The following APBB3 variants were observed in gnomAD, a reference collection of about 807,000 sequenced individuals.
APBB3 encodes the protein amyloid beta precursor protein binding family B member 3.
A neutral mutation model predicts 61.5 loss-of-function variants in APBB3; 50 were observed. The observed-to-expected ratio is 0.81, with a 90% CI of 0.65 to 1.03. The LOEUF is 1.03. Among genes scored for constraint, APBB3 ranks in the 50% least tolerant of loss-of-function variants. APBB3 has a pLI of 0.00. For missense variants in APBB3, 550 were observed against 637.4 expected (o/e 0.86, Z 1.48); for synonymous variants, 235 against 233.0 (o/e 1.01, Z -0.08).
intron 7 of APBB3, 54 bp downstream of exon 7, chr5:140,561,790 G>A: frequency 6.2e-7 from 1 of 1,614,066 alleles, no homozygotes; most frequent in Non-Finnish European, 8.5e-7. Flanking sequence ...GGATATAGCA[G>A]GGATGGAGTA....
rs372190183 is a variant in APBB3 at position 140,560,619 on chromosome 5, A to G, written c.1032+20T>C. ...CCTGCTCACCCCTCCAAAGCCCCCA[A>G]CTTCACCCTCTTCTGGTACCTGAAT... On this transcript the variant is annotated intron_variant, in intron 11 of 12. Transcript: ENST00000357560. The surrounding 1 kb of genome is among the most constrained non-coding windows in gnomAD (Gnocchi z 5.1). 20 of 1,613,136 alleles carry G rather than the reference A, an allele frequency of 1.2e-5. No homozygotes were observed. The highest frequency in any genetic ancestry group is 1.1e-4 in the South Asian group (10 of 91,048).
chr5:140,562,277 G>A (rs375776763), intron 5 of APBB3, 50 bp from the exon 6 acceptor site: 1 of 1,611,722 alleles, frequency 6.2e-7, no homozygotes, highest in Non-Finnish European at 8.5e-7. Flanking sequence ...TCATTGCCAT[G>A]AGAAATAGGA....
rs772877296 is a variant in APBB3, at chr5:140,562,243, G to A, written c.499-16C>T. The A allele has an allele frequency of 1.2e-6, 2 of 1,614,020 alleles. No homozygotes were observed. The highest frequency in any genetic ancestry group is 2.2e-5 in the South Asian group (2 of 91,076). On this transcript the variant is annotated splice_polypyrimidine_tract_variant and intron_variant, in intron 5 of 12. Transcript: ENST00000357560. ...TGTTCTGGCCCTGCCAAGGACAGAG[G>A]TCAGCCCAGAGCTCAGATAAAGGTC... is the stretch of plus-strand genomic sequence containing the variant.
In APBB3 at chr5:140,558,656, G is replaced by A. The variant is rs764090820; in HGVS notation, c.1390C>T (p.Pro464Ser). Reference sequence around the variant, plus strand: ...AAAGAGAAGACACCCCGCTTTCGAGGGGTTGCCCCTGCACCGCCAACCCCT... The same window carrying A: ...AAAGAGAAGACACCCCGCTTTCGAGAGGTTGCCCCTGCACCGCCAACCCCT... ...KGGVGGAGAT[P>S]RKRGVFSFLD... The change falls in exon 13 of 13, where the codon CCT becomes TCT. Residue 464 changes from proline (P) to serine (S), a missense_variant. Pro to Ser is a moderately conservative substitution (Grantham distance 74). Around this residue, in one of 3 missense-constraint regions of APBB3, gnomAD observed 138 missense variants for 132.6 expected, o/e 1.04. Transcript: ENST00000357560. The A allele has an allele frequency of 3.1e-6, 5 of 1,614,106 alleles. No homozygotes were observed. In the East Asian group the frequency reaches 6.7e-5, roughly 22 times the overall value.
rs1434733891 is a variant in APBB3 at position 140,561,246 on chromosome 5, C to T, written c.832+119G>A. ...CTCCTCCAACTAGTGGCTTGGGATC[C>T]CTGAGACCAGACATCTCAGAAATTT... On this transcript the variant is annotated intron_variant, in intron 9 of 12. Transcript: ENST00000357560. 11 of 1,462,832 alleles carry T rather than the reference C, an allele frequency of 7.5e-6. No individual in the cohort carries two copies. The Admixed American group carries it at 1.7e-4, about 23-fold the overall frequency. 90.6% of individuals were successfully genotyped at this position (1,462,832 alleles called of 1,614,324 possible).
Position 140,562,346 on chromosome 5 carries a change from A to G in APBB3, c.498+7T>C. On this transcript the variant is annotated splice_region_variant and intron_variant, in intron 5 of 12. Coordinates refer to ENST00000357560, the MANE Select transcript of APBB3 (RefSeq NM_133173.3). The stretch of plus-strand genomic sequence containing the variant: ...GCCCAAACCATTAAAGGGCCCAGCC[A>G]ACTCACCTCACCCCAGGCACCATCT... The G allele has an allele frequency of 6.2e-7, 1 of 1,613,782 alleles. No homozygotes were observed.
At chr5:140,563,558 C>A (rs1561874985) in intron 3 of APBB3, 36 bp downstream of exon 3, 3 of 1,611,886 alleles carry the variant, frequency 1.9e-6, no homozygotes, top group Non-Finnish European at 1.7e-6. Flanking sequence ...CACCATGGAA[C>A]CCCAAGCCTT....
At position 140,558,700 on chromosome 5, in the gene APBB3, G is replaced by C. The variant is rs770340112; in HGVS notation, c.1346C>G (p.Pro449Arg). The C allele has an allele frequency of 1.2e-6, 2 of 1,611,182 alleles. No individual in the cohort carries two copies. The highest frequency in any genetic ancestry group is 8.5e-7 in the Non-Finnish European group (1 of 1,179,240). Reference protein sequence around the residue: ...SSMDSPGGPLPLPLLKGGVGG... With the variant: ...SSMDSPGGPLRLPLLKGGVGG... ...AACCCCTCCTTTGAGCAGGGGGAGG[G>C]GCAGGGGACCTCCTGGGGAATCCAT... The change falls in exon 13 of 13, where the codon CCC becomes CGC. Residue 449 changes from proline to arginine, a missense_variant. By Grantham distance (103) the Pro-to-Arg change is moderately radical. Transcript: ENST00000357560.
In APBB3 at chr5:140,560,165, C is replaced by G; in HGVS notation, c.1224+148G>C. 1 of 844,962 alleles carries G rather than the reference C, an allele frequency of 1.2e-6. No homozygotes were observed. 52.3% of individuals were successfully genotyped at this position (844,962 alleles called of 1,614,324 possible). ...AATATTGGCAACTAATTAAAACTTA[C>G]TAAAAACAACATGAGGGCCAAAACA... On this transcript the variant is annotated intron_variant, in intron 12 of 12. Transcript: ENST00000357560. This position sits in a 1 kb window ranked among gnomAD's most constrained non-coding sequence, Gnocchi z 5.1.
chr5:140,563,813 C>A lies in APBB3; in HGVS notation c.152G>T (p.Ser51Ile). ...TGGGCGCTGCCACTGGGTGCTACCGCTGGGTACATGCCAGTAGTAAGTACC... is the reference window on the plus strand; with the variant it reads ...TGGGCGCTGCCACTGGGTGCTACCGATGGGTACATGCCAGTAGTAAGTACC... ...AAGTYYWHVP[S>I]GSTQWQRPTW... The change falls in exon 2 of 13, where the codon AGC becomes ATC. Residue 51 changes from serine to isoleucine, a missense_variant. Transcript: ENST00000357560. 1 of 1,614,192 alleles carries A rather than the reference C, an allele frequency of 6.2e-7. No individual in the cohort carries two copies. The highest frequency in any genetic ancestry group is 8.5e-7 in the Non-Finnish European group (1 of 1,180,036).
Position 140,560,800 on chromosome 5 carries a change from CTG to C in APBB3, c.917-48_917-47del, listed in dbSNP as rs1331902172. The C allele has an allele frequency of 6.4e-7, 1 of 1,562,926 alleles. No homozygotes were observed. Among genetic ancestry groups the C allele is most frequent in the Admixed American group, 1.7e-5 (1 of 59,678 alleles). On this transcript the variant is annotated intron_variant, in intron 10 of 12. Transcript: ENST00000357560. The surrounding 1 kb of genome is among the most constrained non-coding windows in gnomAD (Gnocchi z 5.1). ...TGTCTCCCAGTGTAAAAGAAAGAGT[CTG>C]CAGGGAGTGTCTAGCCCCCTCTCAC...
In APBB3 at chr5:140,560,802, G is replaced by A. The variant is rs1232247867; in HGVS notation, c.917-48C>T. On this transcript the variant is annotated intron_variant, in intron 10 of 12. Coordinates refer to ENST00000357560, the MANE Select transcript of APBB3 (RefSeq NM_133173.3). The surrounding 1 kb of genome is among the most constrained non-coding windows in gnomAD (Gnocchi z 5.1). ...TCTCCCAGTGTAAAAGAAAGAGTCT[G>A]CAGGGAGTGTCTAGCCCCCTCTCAC... 2 of 1,554,030 alleles carry A rather than the reference G, an allele frequency of 1.3e-6. No individual in the cohort carries two copies. Among genetic ancestry groups the A allele is most frequent in the Admixed American group, 1.7e-5 (1 of 59,638 alleles).
chr5:140,564,099 G>A lies in APBB3; in HGVS notation c.49+98C>T. 5 of 1,554,192 alleles carry A rather than the reference G, an allele frequency of 3.2e-6. No homozygotes were observed. The highest frequency in any genetic ancestry group is 4.4e-6 in the Non-Finnish European group (5 of 1,134,954). ...ATTCGCCCCCTGGTCCCTACACAGAGAGGTATCCCCCACCGTCTTTGAGCC... is the reference window on the plus strand; with the variant it reads ...ATTCGCCCCCTGGTCCCTACACAGAAAGGTATCCCCCACCGTCTTTGAGCC... On this transcript the variant is annotated intron_variant, in intron 1 of 12. Coordinates refer to ENST00000357560, the MANE Select transcript of APBB3 (RefSeq NM_133173.3). The surrounding 1 kb of genome is among the most constrained non-coding windows in gnomAD (Gnocchi z 5.0).
At chr5:140,563,330 AG>A (rs1248199913) in intron 3 of APBB3, 12 of 537,978 alleles carry the variant, frequency 2.2e-5, no homozygotes, top group Non-Finnish European at 3.6e-5. Flanking sequence ...ACCCTAGAAC[AG>A]AGGACTTAAT....
chr5:140,558,957 A>G (rs1269844040), intron 12 of APBB3, 136 bp from the exon 13 acceptor site: 1 of 764,606 alleles, frequency 1.3e-6, no homozygotes, highest in East Asian at 2.5e-5. Flanking sequence ...GAGTTTCTAG[A>G]GCATTCCCAG....
Position 140,564,372 on chromosome 5 carries a change from A to C in APBB3, c.-127T>G. The C allele has an allele frequency of 8.3e-7, 1 of 1,199,332 alleles. No individual in the cohort carries two copies. The highest frequency in any genetic ancestry group is 1.2e-6 in the Non-Finnish European group (1 of 849,870). 74.3% of individuals were successfully genotyped at this position (1,199,332 alleles called of 1,614,324 possible). ...GCTGCGGGGCCAGCTGGCGCCGCAC[A>C]AATACGGGGCGGGACACGGGGCGGG... On this transcript the variant is annotated 5_prime_UTR_variant, in exon 1 of 13. Coordinates refer to ENST00000357560, the MANE Select transcript of APBB3 (RefSeq NM_133173.3). This position sits in a 1 kb window ranked among gnomAD's most constrained non-coding sequence, Gnocchi z 5.0.
chr5:140,561,936 C>T, intron 6 of APBB3, 87 bp from the exon 7 acceptor site: 1 of 1,611,712 alleles, frequency 6.2e-7, no homozygotes, highest in Non-Finnish European at 8.5e-7. Context: ...GCTGGGCCCA[C>T]CCTCCCCAAC....
chr5:140,562,430 T>C lies in APBB3; in HGVS notation c.421A>G (p.Ile141Val), dbSNP rs1755005007. 1 of 1,614,184 alleles carries C rather than the reference T, an allele frequency of 6.2e-7. No individual in the cohort carries two copies. Among genetic ancestry groups the C allele is most frequent in the Non-Finnish European group, 8.5e-7 (1 of 1,180,034 alleles). ...TGCTGGATACAGTTATTGACTGCAA[T>C]ACTGCTCTTCCCCGGTGCCAGGTCC... Reference protein sequence around the residue: ...EEDLAPGKSSIAVNNCIQQLA... With the variant: ...EEDLAPGKSSVAVNNCIQQLA... The change falls in exon 5 of 13, where the codon ATT (isoleucine) becomes GTT (valine). Residue 141 changes from isoleucine (I) to valine (V), a missense_variant. Ile to Val is a conservative substitution (Grantham distance 29). Around this residue, in one of 3 missense-constraint regions of APBB3, gnomAD observed 405 missense variants for 483.4 expected, o/e 0.84. Transcript: ENST00000357560.
In APBB3 at chr5:140,563,993, C is replaced by T; in HGVS notation, c.50-78G>A. 3.9e-6 allele frequency: 6 copies of T among 1,553,514 alleles called. No homozygotes were observed. The Middle Eastern group carries it at 5.1e-4, about 132-fold the overall frequency. Reference sequence around the variant, plus strand: ...ATAACATGCTGTCATAATCCCCTCTCCATCCCCAAAATGGGTCAGTTCTTA... The same window carrying T: ...ATAACATGCTGTCATAATCCCCTCTTCATCCCCAAAATGGGTCAGTTCTTA... On this transcript the variant is annotated intron_variant, in intron 1 of 12. Transcript: ENST00000357560.
Sources: allele counts gnomAD v4.1 joint callset, GRCh38; gene constraint gnomAD v4.1.1; regional missense constraint gnomAD v4.1.1; non-coding constraint Gnocchi (gnomAD v3.1); transcripts MANE v1.5; gene names NCBI Gene and HGNC (gene_info 2026-07-23, HGNC 2026-07-21).